MRRF: variants seen among roughly 807,000 people sequenced by gnomAD.
The protein encoded by MRRF is mitochondrial ribosome recycling factor.
Under a neutral mutation model 25.1 loss-of-function variants are expected in MRRF, and 18 were observed. The ratio of observed to expected loss-of-function variants is 0.72; its 90% CI spans 0.50 to 1.06. The LOEUF is 1.06. Ranked by LOEUF, MRRF falls within the 50% of genes least tolerant of loss-of-function variation. MRRF has a pLI of 0.00. For missense variants in MRRF, 323 were observed against 319.3 expected, an observed-to-expected ratio of 1.01 and a Z score of -0.09; for synonymous variants, 113 against 112.1, an observed-to-expected ratio of 1.01 and a Z score of -0.05.
Position 122,268,569 on chromosome 9 carries a change from G to T in MRRF, c.-28-2295G>T, listed in dbSNP as rs558086464. ...CTTGGCTATTAGCTCCATGTCCTTG[G>T]ACAGTGACTTAATCTCTCTGAACCT... On this transcript the variant is annotated intron_variant, in intron 1 of 6. Transcript: ENST00000344641. 2.0e-5 allele frequency among the ~76,000 whole-genome samples: 3 copies of T among 152,306 alleles called. No individual in the cohort carries two copies. In the East Asian group the frequency reaches 5.8e-4, roughly 29 times the overall value.
rs1460733616 is a variant in MRRF, at chr9:122,331,198, C to T, written c.*8581C>T. ...TGTGCTGATCCCTAACATCTTCACC[C>T]ATCGGGGGCAAAATAAGTAAAATAA... On this transcript the variant is annotated 3_prime_UTR_variant, in exon 7 of 7. Transcript: ENST00000344641. 6.6e-6 allele frequency: 1 copy of T among 152,168 alleles called. No individual in the cohort carries two copies. Among genetic ancestry groups the T allele is most frequent in the South Asian group, 2.1e-4 (1 of 4,822 alleles). The allele number at this position is 152,168 out of a possible 1,614,324, so 9.4% of individuals were successfully genotyped here. A position where few individuals can be genotyped will look rare whatever the true frequency, so the allele number is the denominator to read the frequency against.
At chr9:122,307,805 A>C (rs868217376) in intron 5 of MRRF, among the ~76,000 whole-genome samples, 1 of 152,144 alleles carries the variant, frequency 6.6e-6, no homozygotes, top group South Asian at 2.1e-4. Context: ...TCTACATTTT[A>C]AAGCCCCCTT....
At chr9:122,304,264 C>G (rs1027310881) in intron 5 of MRRF, among the ~76,000 whole-genome samples, 3 of 152,142 alleles carry the variant, frequency 2.0e-5, no homozygotes, top group African/African-American at 7.2e-5. Flanking sequence ...GTCATTCATT[C>G]TCCTGGTTTG....
At chr9:122,305,701 A>G (rs929250388) in intron 5 of MRRF, among the ~76,000 whole-genome samples, 1 of 152,122 alleles carries the variant, frequency 6.6e-6, no homozygotes, top group African/African-American at 2.4e-5. Context: ...GTCTCTCCTT[A>G]TCTTCTTCTC....
chr9:122,284,475 T>G (rs550569770), intron 3 of MRRF, among the ~76,000 whole-genome samples: 1 of 152,304 alleles, frequency 6.6e-6, no homozygotes, highest in East Asian at 1.9e-4. Context: ...AGGTAGTTAT[T>G]TTTTGACTGA....
At chr9:122,309,939 C>T (rs1384379622) in intron 5 of MRRF, among the ~76,000 whole-genome samples, 3 of 152,150 alleles carry the variant, frequency 2.0e-5, no homozygotes, top group African/African-American at 7.2e-5. Flanking sequence ...TCTGTCATTC[C>T]TCTGTTGATT....
At chr9:122,274,407 A>G (rs1832648733) in intron 2 of MRRF, among the ~76,000 whole-genome samples, 1 of 152,216 alleles carries the variant, frequency 6.6e-6, no homozygotes, top group South Asian at 2.1e-4. Context: ...CTGTAATCCC[A>G]GGACTTTGGG....
At chr9:122,315,427 T>C (rs1835453164) in intron 6 of MRRF, among the ~76,000 whole-genome samples, 1 of 152,244 alleles carries the variant, frequency 6.6e-6, no homozygotes, top group African/African-American at 2.4e-5. Context: ...TGATGTCCTA[T>C]GACCTTGGGG....
At chr9:122,292,299 G>A (rs772569577) in intron 5 of MRRF, among the ~76,000 whole-genome samples, 4 of 152,126 alleles carry the variant, frequency 2.6e-5, no homozygotes, top group African/African-American at 4.8e-5. Flanking sequence ...TTTGGGCAGC[G>A]TGAACAGCAA....
rs752938049 is a variant in MRRF at position 122,328,403 on chromosome 9, C to T, written c.*5786C>T. Reference sequence around the variant, plus strand: ...TTACACAACCCCAGTTCCCCCTTCTCAGCCCCCAGCAACCACCATTTATGA... The same window carrying T: ...TTACACAACCCCAGTTCCCCCTTCTTAGCCCCCAGCAACCACCATTTATGA... On this transcript the variant is annotated 3_prime_UTR_variant, in exon 7 of 7. Coordinates refer to ENST00000344641, the MANE Select transcript of MRRF (RefSeq NM_138777.5). The T allele has an allele frequency of 6.6e-6, 1 of 152,206 alleles. No homozygotes were observed. The highest frequency in any genetic ancestry group is 6.5e-5 in the Admixed American group (1 of 15,286). The allele number at this position is 152,206 out of a possible 1,614,324, so 9.4% of individuals were successfully genotyped here. A position where few individuals can be genotyped will look rare whatever the true frequency, so the allele number is the denominator to read the frequency against.
At chr9:122,302,093 G>A (rs970555048) in intron 5 of MRRF, among the ~76,000 whole-genome samples, 7 of 151,990 alleles carry the variant, frequency 4.6e-5, no homozygotes, top group African/African-American at 1.5e-4. Context: ...CTCTACTGCC[G>A]TGAGGCGTGC....
chr9:122,280,302 C>T, intron 2 of MRRF, 141 bp from the exon 3 acceptor site: 1 of 914,598 alleles, frequency 1.1e-6, no homozygotes, highest in African/African-American at 1.7e-5. Context: ...AATATAGGCT[C>T]TTTTTTAGTG....
rs561747720 is a variant in MRRF, at chr9:122,277,919, T to A, written c.185-2524T>A. Among the ~76,000 whole-genome samples the A allele has an allele frequency of 6.2e-4, 95 of 152,144 alleles. 1 individual carries two copies. The highest frequency in any genetic ancestry group is 3.4e-3 in the Middle Eastern group (1 of 294). Reference sequence around the variant, plus strand: ...TTTTTTTAAATGCATATTTAAAAATTTTTTTTATTGATACATATTTGTACA... The same window carrying A: ...TTTTTTTAAATGCATATTTAAAAATATTTTTTATTGATACATATTTGTACA... On this transcript the variant is annotated intron_variant, in intron 2 of 6. Coordinates refer to ENST00000344641, the MANE Select transcript of MRRF (RefSeq NM_138777.5).
Position 122,329,624 on chromosome 9 carries a change from C to G in MRRF, c.*7007C>G, listed in dbSNP as rs1313749130. ...GGGAGCCACTTTTGCCTCCCTGTCC[C>G]TCTCCCCTCATCCAATAAGTCACCA... On this transcript the variant is annotated 3_prime_UTR_variant, in exon 7 of 7. Transcript: ENST00000344641. 1 of 152,346 alleles carries G rather than the reference C, an allele frequency of 6.6e-6. No individual in the cohort carries two copies. Among genetic ancestry groups the G allele is most frequent in the Non-Finnish European group, 1.5e-5 (1 of 68,160 alleles). The allele number at this position is 152,346 out of a possible 1,614,324, so 9.4% of individuals were successfully genotyped here.
chr9:122,280,652 T>G, intron 3 of MRRF, 54 bp downstream of exon 3: 243 of 1,573,392 alleles, frequency 1.5e-4, no homozygotes, highest in Non-Finnish European at 1.9e-4. Context: ...GAGCATGGGT[T>G]TGGCAGAGTT....
Position 122,324,971 on chromosome 9 carries a change from A to G in MRRF, c.*2354A>G, listed in dbSNP as rs887806229. ...GCAATTAAGGAGCCTCTTTTGGGGT[A>G]AGCCACATGACAGGGGCTTTGCAAC... On this transcript the variant is annotated 3_prime_UTR_variant, in exon 7 of 7. Coordinates refer to ENST00000344641, the MANE Select transcript of MRRF (RefSeq NM_138777.5). The G allele has an allele frequency of 6.6e-6, 1 of 152,240 alleles. No homozygotes were observed. The highest frequency in any genetic ancestry group is 2.4e-5 in the African/African-American group (1 of 41,458). 9.4% of individuals were successfully genotyped at this position (152,240 alleles called of 1,614,324 possible). A position where few individuals can be genotyped will look rare whatever the true frequency, so the allele number is the denominator to read the frequency against.
intron 1 of MRRF, among the ~76,000 whole-genome samples, chr9:122,267,085 G>GA (rs1176548797): frequency 1.7e-5 from 2 of 120,420 alleles, no homozygotes; most frequent in East Asian, 5.0e-4. Flanking sequence ...AAAAAAAAAA[G>GA]AAAAAAAATT....
chr9:122,271,934 G>T (rs907121210), intron 2 of MRRF, among the ~76,000 whole-genome samples: 2 of 152,114 alleles, frequency 1.3e-5, no homozygotes, highest in African/African-American at 2.4e-5. Flanking sequence ...CTAATTTCAT[G>T]CAGACCTTCC....
At chr9:122,313,202 T>C (rs752820940) in intron 5 of MRRF, 25 bp from the exon 6 acceptor site, 4 of 1,611,768 alleles carry the variant, frequency 2.5e-6, no homozygotes, top group Non-Finnish European at 3.4e-6. Flanking sequence ...AATGATTTTG[T>C]TGAATGTCTT....
Sources: gnomAD v4.1 joint callset for allele counts (sites outside exome capture counted in the v4.1 genomes callset) on GRCh38, gnomAD v4.1.1 for gene constraint, MANE v1.5 for transcripts, NCBI Gene and HGNC (gene_info 2026-07-23, HGNC 2026-07-21) for gene names.